The following AHI1 variants were observed in gnomAD, a reference collection of about 807,000 sequenced individuals.
AHI1 encodes Abelson helper integration site 1.
AHI1 carries 123 observed loss-of-function variants against 149.3 expected under a neutral mutation model. The observed-to-expected ratio is 0.82, with a 90% CI of 0.71 to 0.96. The LOEUF (loss-of-function observed/expected upper bound fraction) is 0.96, where lower values mean the gene tolerates loss of function less well. AHI1 is among the 40% of genes least tolerant of loss of function. The probability of loss-of-function intolerance (pLI) is 0.00; values close to 1 mark genes in which losing one functional copy is unlikely to be tolerated. For missense variants in AHI1, 1,439 were observed against 1,422.7 expected, an observed-to-expected ratio of 1.01 and a Z score of -0.18; for synonymous variants, 475 against 459.8, an observed-to-expected ratio of 1.03 and a Z score of -0.42.
chr6:135,303,473 A>G (rs1208954057), intron 26 of AHI1, among the ~76,000 whole-genome samples: 3 of 152,122 alleles, frequency 2.0e-5, no homozygotes. Context: ...AAAAACAACT[A>G]AAGTTGGTGG....
At chr6:135,490,600 T>A (rs1795117270) in intron 5 of AHI1, 23 bp downstream of exon 5, 1 of 1,613,204 alleles carries the variant, frequency 6.2e-7, no homozygotes, top group African/African-American at 1.3e-5. Flanking sequence ...TAAATCACTA[T>A]TACCCAATGA....
At chr6:135,348,398 T>C (rs1169402143) in intron 24 of AHI1, among the ~76,000 whole-genome samples, 1 of 152,204 alleles carries the variant, frequency 6.6e-6, no homozygotes, top group African/African-American at 2.4e-5. Context: ...ATATTACTGC[T>C]TCCTTAGAGT....
intron 24 of AHI1, among the ~76,000 whole-genome samples, chr6:135,355,164 C>T (rs1792758486): frequency 6.6e-6 from 1 of 151,954 alleles, no homozygotes; most frequent in Non-Finnish European, 1.5e-5. Context: ...TGAAGAACAA[C>T]TAGAAAATGT....
In AHI1 at chr6:135,319,522, C is replaced by T. The variant is rs1003655797; in HGVS notation, c.3329-906G>A. On this transcript the variant is annotated intron_variant, in intron 25 of 28. Coordinates refer to ENST00000265602, the MANE Select transcript of AHI1 (RefSeq NM_001134831.2). ...GGGAAGACGATATGAAATCAATAAGCATGGAGTTAGGACTATATATGATAT... is the reference window on the plus strand; with the variant it reads ...GGGAAGACGATATGAAATCAATAAGTATGGAGTTAGGACTATATATGATAT... Among the ~76,000 whole-genome samples the T allele has an allele frequency of 5.1e-4, 77 of 152,176 alleles. 2 individuals carry two copies. The Middle Eastern group carries it at 0.01, about 20-fold the overall frequency.
chr6:135,422,739 C>A (rs938672509), intron 20 of AHI1, among the ~76,000 whole-genome samples: 1 of 151,544 alleles, frequency 6.6e-6, no homozygotes, highest in Non-Finnish European at 1.5e-5. Flanking sequence ...ATCCTCCTGC[C>A]TCAGCCTCCC....
intron 15 of AHI1, 44 bp downstream of exon 15, chr6:135,438,331 G>A (rs894345133): frequency 1.3e-6 from 2 of 1,488,774 alleles, no homozygotes; most frequent in South Asian, 1.5e-5. Flanking sequence ...TGCTTTCCTT[G>A]ACAGCAAACA....
At chr6:135,387,899 G>A in intron 23 of AHI1, 6 of 1,582,688 alleles carry the variant, frequency 3.8e-6, no homozygotes, top group Non-Finnish European at 5.2e-6. Context: ...TCCGAAGAGA[G>A]AAAGTGAACT....
intron 5 of AHI1, among the ~76,000 whole-genome samples, chr6:135,487,568 A>G (rs1275373655): frequency 1.3e-5 from 2 of 152,178 alleles, no homozygotes. Context: ...ATAGTTGTAC[A>G]TATTTTGGGG....
intron 8 of AHI1, among the ~76,000 whole-genome samples, chr6:135,461,196 T>C (rs1446886624): frequency 6.6e-6 from 1 of 152,044 alleles, no homozygotes; most frequent in African/African-American, 2.4e-5. Context: ...TATTGAGGTA[T>C]ATAAACCTAT....
intron 5 of AHI1, among the ~76,000 whole-genome samples, chr6:135,469,633 G>A (rs896977737): frequency 6.6e-6 from 1 of 151,970 alleles, no homozygotes; most frequent in African/African-American, 2.4e-5. Context: ...ACAGACCAAT[G>A]GAACAGAAAT....
chr6:135,330,087 T>C (rs1788316045), intron 24 of AHI1, among the ~76,000 whole-genome samples: 1 of 152,248 alleles, frequency 6.6e-6, no homozygotes, highest in African/African-American at 2.4e-5. Context: ...GAAGATGCTG[T>C]GACTCTTGCT....
intron 26 of AHI1, chr6:135,302,579 G>A: frequency 9.0e-7 from 1 of 1,109,812 alleles, no homozygotes; most frequent in Non-Finnish European, 1.1e-6. Flanking sequence ...TGATGCAGAG[G>A]CAGCTTAGCC....
intron 22 of AHI1, among the ~76,000 whole-genome samples, chr6:135,399,403 A>C (rs1425539947): frequency 1.3e-5 from 2 of 152,178 alleles, no homozygotes; most frequent in African/African-American, 4.8e-5. Flanking sequence ...AACCGGGTAC[A>C]ACAAAGCTTG....
chr6:135,365,373 A>G (rs1386104627), intron 23 of AHI1, among the ~76,000 whole-genome samples: 1 of 152,096 alleles, frequency 6.6e-6, no homozygotes, highest in Non-Finnish European at 1.5e-5. Context: ...TGGAAATTGC[A>G]TTGAATTTTT....
In AHI1 at chr6:135,483,406, A is replaced by G. The variant is rs527371296; in HGVS notation, c.135+7217T>C. Among the ~76,000 whole-genome samples, 59 of 152,332 alleles carry G rather than the reference A, an allele frequency of 3.9e-4. No homozygotes were observed. In the South Asian group the frequency reaches 6.0e-3, roughly 16 times the overall value. On this transcript the variant is annotated intron_variant, in intron 5 of 28. Transcript: ENST00000265602. ...AATCAATTCACTGCACAAAACAAAAAGTTTGAGAGAATGTAATTCATAAGA... is the reference window on the plus strand; with the variant it reads ...AATCAATTCACTGCACAAAACAAAAGGTTTGAGAGAATGTAATTCATAAGA...
chr6:135,448,956 CA>C (rs112116552), intron 11 of AHI1, among the ~76,000 whole-genome samples: 5 of 152,292 alleles, frequency 3.3e-5, no homozygotes, highest in Admixed American at 6.5e-5. Context: ...CCATTCGTTA[CA>C]TTTTTTTCAG....
intron 20 of AHI1, among the ~76,000 whole-genome samples, chr6:135,418,029 CTCTT>C (rs1782632745): frequency 7.6e-5 from 1 of 13,102 alleles, no homozygotes; most frequent in Admixed American, 8.2e-4. Flanking sequence ...AATTAAATAA[CTCTT>C]TCTTCATTTT....
chr6:135,353,317 G>C (rs1287324058), intron 24 of AHI1, among the ~76,000 whole-genome samples: 1 of 151,934 alleles, frequency 6.6e-6, no homozygotes, highest in East Asian at 1.9e-4. Flanking sequence ...TCTCCACCCT[G>C]CAATTACCTA....
chr6:135,431,209 T>C lies in AHI1; in HGVS notation c.2372A>G (p.Lys791Arg), dbSNP rs1784607393. ...AAAATATAAAATATGATTTTATACC[T>C]TATTTATAGTCCAGTGGTGCACTGA... Reference protein sequence around the residue: ...EHSVHHWTINKEIKETEFKGI... With the variant: ...EHSVHHWTINREIKETEFKGI... Residue 791 changes from lysine (K) to arginine (R), a missense_variant and splice_region_variant, in exon 17 of 29, where the codon AAG becomes AGG. Lys to Arg is a conservative substitution (Grantham distance 26). Coordinates refer to ENST00000265602, the MANE Select transcript of AHI1 (RefSeq NM_001134831.2). 6.4e-7 allele frequency: 1 copy of C among 1,560,744 alleles called. No homozygotes were observed. Among genetic ancestry groups the C allele is most frequent in the Non-Finnish European group, 8.7e-7 (1 of 1,144,366 alleles).
Sources: gnomAD v4.1 joint callset for allele counts (sites outside exome capture counted in the v4.1 genomes callset) on GRCh38, gnomAD v4.1.1 for gene constraint, MANE v1.5 for transcripts, NCBI Gene and HGNC (gene_info 2026-07-23, HGNC 2026-07-21) for gene names.